Variants in NXN observed in about 807,000 individuals in gnomAD.
NXN encodes the protein nucleoredoxin 1.
Under a neutral mutation model 48.6 loss-of-function variants are expected in NXN, and 16 were observed. That is an observed-to-expected ratio of 0.33 (90% CI 0.22 to 0.50). NXN has a LOEUF of 0.50. Among genes scored for constraint, NXN ranks in the 20% least tolerant of loss-of-function variants. The probability of loss-of-function intolerance (pLI) is 0.98; values close to 1 mark genes in which losing one functional copy is unlikely to be tolerated. For synonymous variants in NXN, 281 were observed against 269.6 expected, an observed-to-expected ratio of 1.04 and a Z score of -0.41; for missense variants, 492 against 605.5, an observed-to-expected ratio of 0.81 and a Z score of 1.97.
intron 1 of NXN, among the ~76,000 whole-genome samples, chr17:888,891 G>T (rs1302277084): frequency 6.6e-6 from 1 of 150,706 alleles, no homozygotes; most frequent in South Asian, 2.1e-4. Context: ...GGAGGTGGAG[G>T]TTGCTGTGAG....
chr17:948,712 C>CCGTCCCGCCCCAGCG (rs1230285776), intron 1 of NXN, among the ~76,000 whole-genome samples: 1 of 151,964 alleles, frequency 6.6e-6, no homozygotes, highest in Non-Finnish European at 1.5e-5. Context: ...TCACCCCGGC[C>CCGTCCCGCCCCAGCG]CGTCCCGCCC....
intron 1 of NXN, among the ~76,000 whole-genome samples, chr17:899,565 C>T (rs970766030): frequency 2.0e-5 from 3 of 152,208 alleles, no homozygotes. Context: ...GACTGATTCA[C>T]TCATGATTAT....
At chr17:862,279 G>GC (rs1725153595) in intron 1 of NXN, among the ~76,000 whole-genome samples, 1 of 152,222 alleles carries the variant, frequency 6.6e-6, no homozygotes, top group African/African-American at 2.4e-5. Context: ...GCTTTGGGAG[G>GC]CCAGGGTGGG....
intron 1 of NXN, among the ~76,000 whole-genome samples, chr17:837,686 C>G (rs113465315): frequency 0.011 from 1,703 of 152,292 alleles, 32 homozygotes; most frequent in African/African-American, 0.038. Context: ...TCGCTTTGCC[C>G]GATGGTGCCT....
At position 945,511 on chromosome 17, in the gene NXN, G is replaced by A. The variant is rs185566990; in HGVS notation, c.360+33808C>T. Among the ~76,000 whole-genome samples, 373 of 151,146 alleles carry A rather than the reference G, an allele frequency of 2.5e-3. 1 individual carries two copies. The highest frequency in any genetic ancestry group is 4.4e-3 in the Non-Finnish European group (298 of 67,862). On this transcript the variant is annotated intron_variant, in intron 1 of 7. Transcript: ENST00000336868. ...CCGGGCGTGGTGGCGGGCGCCTGTA[G>A]TCCCACCTACTTGGGAGGCTGAGGC...
intron 5 of NXN, among the ~76,000 whole-genome samples, chr17:817,626 G>A (rs550123588): frequency 1.1e-4 from 17 of 148,132 alleles, no homozygotes; most frequent in South Asian, 4.3e-4. Flanking sequence ...CCAAGATTGC[G>A]CCACTGCACT....
At chr17:948,452 G>A (rs936407113) in intron 1 of NXN, among the ~76,000 whole-genome samples, 6 of 152,124 alleles carry the variant, frequency 3.9e-5, no homozygotes, top group Admixed American at 1.3e-4. Context: ...TTGGCATCAC[G>A]GGATCTGGGT....
intron 1 of NXN, among the ~76,000 whole-genome samples, chr17:899,248 G>A (rs675982): frequency 0.094 from 14,302 of 152,100 alleles, 1,665 homozygotes; most frequent in African/African-American, 0.28. Flanking sequence ...GTGAGCCACC[G>A]CACCCCGGCC....
intron 1 of NXN, among the ~76,000 whole-genome samples, chr17:869,648 C>T (rs997450718): frequency 1.3e-5 from 2 of 152,226 alleles, no homozygotes; most frequent in African/African-American, 2.4e-5. Context: ...GAGCCCTCCC[C>T]ACTCGGGAAA....
intron 1 of NXN, among the ~76,000 whole-genome samples, chr17:826,570 T>TG (rs1480549094): frequency 1.3e-5 from 2 of 152,232 alleles, no homozygotes; most frequent in Non-Finnish European, 2.9e-5. Context: ...CTCGCCACCC[T>TG]GGCAGCAGGC....
At chr17:957,631 C>CAA (rs34940337) in intron 1 of NXN, among the ~76,000 whole-genome samples, 71 of 131,902 alleles carry the variant, frequency 5.4e-4, no homozygotes, top group Middle Eastern at 4.0e-3. Context: ...GACTCCATCT[C>CAA]AAAAAAAAAA....
At chr17:804,201 C>A (rs528141653) in intron 6 of NXN, among the ~76,000 whole-genome samples, 2 of 151,938 alleles carry the variant, frequency 1.3e-5, no homozygotes, top group Admixed American at 1.3e-4. Flanking sequence ...CTCCGACCTC[C>A]GACTTCCCAG....
chr17:854,008 C>A (rs1277897871), intron 1 of NXN, among the ~76,000 whole-genome samples: 1 of 152,084 alleles, frequency 6.6e-6, no homozygotes, highest in Non-Finnish European at 1.5e-5. Flanking sequence ...GCGTGAGCCA[C>A]TGCGCCCGGC....
At chr17:856,616 G>A (rs974648031) in intron 1 of NXN, among the ~76,000 whole-genome samples, 1 of 150,116 alleles carries the variant, frequency 6.7e-6, no homozygotes, top group Non-Finnish European at 1.5e-5. Flanking sequence ...TCAGCCTCCC[G>A]AGTAGCTGGG....
At chr17:968,959 A>G (rs1297866816) in intron 1 of NXN, among the ~76,000 whole-genome samples, 3 of 152,050 alleles carry the variant, frequency 2.0e-5, no homozygotes, top group Non-Finnish European at 4.4e-5. Context: ...GAAAGAAAGA[A>G]AAAGAAAAGA....
At chr17:913,316 C>A (rs1008135738) in intron 1 of NXN, among the ~76,000 whole-genome samples, 3 of 152,154 alleles carry the variant, frequency 2.0e-5, no homozygotes, top group Non-Finnish European at 2.9e-5. Flanking sequence ...CACAGAGCAC[C>A]CCCACAGCCC....
chr17:865,494 G>A (rs935049545), intron 1 of NXN, among the ~76,000 whole-genome samples: 24 of 148,824 alleles, frequency 1.6e-4, no homozygotes, highest in African/African-American at 4.0e-4. Context: ...CGCCCACCTC[G>A]GCCTCCCACA....
chr17:885,217 AT>A (rs2068330247), intron 1 of NXN, among the ~76,000 whole-genome samples: 1 of 152,168 alleles, frequency 6.6e-6, no homozygotes, highest in Non-Finnish European at 1.5e-5. Context: ...TAATCCCAGC[AT>A]TTTGGGAGGC....
chr17:871,399 C>CTTTTTTTT (rs11345310), intron 1 of NXN, among the ~76,000 whole-genome samples: 2 of 101,706 alleles, frequency 2.0e-5, no homozygotes, highest in East Asian at 3.7e-4. Context: ...TACGCATTCA[C>CTTTTTTTT]TTTTTTTTTT....
Sources: gnomAD v4.1 joint callset for allele counts (sites outside exome capture counted in the v4.1 genomes callset) on GRCh38, gnomAD v4.1.1 for gene constraint, MANE v1.5 for transcripts, NCBI Gene and HGNC (gene_info 2026-07-23, HGNC 2026-07-21) for gene names.